Variants in MARK3 observed in about 807,000 individuals in gnomAD.
MARK3 encodes microtubule affinity regulating kinase 3.
A neutral mutation model predicts 90.1 loss-of-function variants in MARK3; 46 were observed. The ratio of observed to expected loss-of-function variants is 0.51; its 90% CI spans 0.40 to 0.65. The LOEUF (loss-of-function observed/expected upper bound fraction) is 0.65, where lower values mean the gene tolerates loss of function less well. MARK3 is among the 30% of genes least tolerant of loss of function. The probability of loss-of-function intolerance (pLI) is 0.00; values close to 1 mark genes in which losing one functional copy is unlikely to be tolerated. For missense variants in MARK3, 818 were observed against 947.2 expected (o/e 0.86, Z 1.79); for synonymous variants, 321 against 332.6 (o/e 0.97, Z 0.38).
intron 2 of MARK3, among the ~76,000 whole-genome samples, chr14:103,424,214 GA>G (rs373848330): frequency 2.6e-4 from 38 of 145,248 alleles, no homozygotes; most frequent in Non-Finnish European, 4.3e-4. Flanking sequence ...TGTCTCAAGA[GA>G]AAAAAAAAAC....
At chr14:103,438,805 C>G (rs994949192) in intron 3 of MARK3, among the ~76,000 whole-genome samples, 7 of 152,074 alleles carry the variant, frequency 4.6e-5, no homozygotes, top group Admixed American at 2.6e-4. Flanking sequence ...CCAGCCTGGG[C>G]AACATGGCAA....
chr14:103,462,318 C>G, intron 6 of MARK3, 87 bp from the exon 7 acceptor site: 2 of 915,658 alleles, frequency 2.2e-6, no homozygotes, highest in Non-Finnish European at 1.7e-6. Context: ...ACTGAGTATT[C>G]ATTATGTGTG....
At chr14:103,483,213 T>C (rs1341497417) in intron 14 of MARK3, among the ~76,000 whole-genome samples, 8 of 151,672 alleles carry the variant, frequency 5.3e-5, no homozygotes, top group African/African-American at 7.2e-5. Context: ...CTTCACTAAT[T>C]TAAAATATGA....
intron 1 of MARK3, among the ~76,000 whole-genome samples, chr14:103,400,063 G>A (rs2090859661): frequency 6.6e-6 from 1 of 151,954 alleles, no homozygotes; most frequent in Admixed American, 6.6e-5. Flanking sequence ...TGAGTAGCTG[G>A]GATTACAGGC....
chr14:103,482,335 A>T (rs1432698036), intron 14 of MARK3, among the ~76,000 whole-genome samples: 1 of 151,620 alleles, frequency 6.6e-6, no homozygotes, highest in Non-Finnish European at 1.5e-5. Flanking sequence ...AGCCTGGCCA[A>T]CATGGTGAAA....
chr14:103,386,814 C>A (rs2089842626), intron 1 of MARK3, among the ~76,000 whole-genome samples: 1 of 152,192 alleles, frequency 6.6e-6, no homozygotes, highest in Non-Finnish European at 1.5e-5. Flanking sequence ...TAGATGAGCT[C>A]TTAGGTCCCT....
chr14:103,494,279 T>C (rs1301626076), intron 15 of MARK3, among the ~76,000 whole-genome samples: 1 of 132,546 alleles, frequency 7.5e-6, no homozygotes, highest in East Asian at 2.3e-4. Context: ...TGGCCAGGCA[T>C]GGTGGCTCAC....
At chr14:103,466,480 C>T in intron 10 of MARK3, 38 bp downstream of exon 10, 1 of 1,344,578 alleles carries the variant, frequency 7.4e-7, no homozygotes, top group South Asian at 1.2e-5. Context: ...GTGTTTTTGT[C>T]TAAGTAACAT....
intron 2 of MARK3, chr14:103,417,248 ATATAAT>A (rs2091986172): frequency 6.7e-6 from 1 of 148,314 alleles, no homozygotes; most frequent in African/African-American, 2.4e-5. Flanking sequence ...GAAATTAGTG[ATATAAT>A]TAGGAACTAA....
chr14:103,409,273 A>AAC (rs2091483945), intron 2 of MARK3, among the ~76,000 whole-genome samples: 1 of 151,750 alleles, frequency 6.6e-6, no homozygotes, highest in Non-Finnish European at 1.5e-5. Flanking sequence ...CAGGGAGGGG[A>AAC]ACATCACACA....
At chr14:103,502,658 T>C (rs772305121) in intron 17 of MARK3, among the ~76,000 whole-genome samples, 2 of 152,230 alleles carry the variant, frequency 1.3e-5, no homozygotes, top group Non-Finnish European at 2.9e-5. Context: ...TGGTGAAGAT[T>C]TTCCAGCTAG....
chr14:103,481,009 A>G (rs2093808752), intron 14 of MARK3, among the ~76,000 whole-genome samples: 1 of 152,220 alleles, frequency 6.6e-6, no homozygotes, highest in African/African-American at 2.4e-5. Flanking sequence ...AATGCTTTTA[A>G]TTTGGCTACA....
chr14:103,413,711 G>A (rs1176993656), intron 2 of MARK3, among the ~76,000 whole-genome samples: 1 of 151,898 alleles, frequency 6.6e-6, no homozygotes, highest in African/African-American at 2.4e-5. Flanking sequence ...GCCTGCCTCG[G>A]CCTCCCAAAG....
intron 2 of MARK3, among the ~76,000 whole-genome samples, chr14:103,426,818 A>G (rs963145243): frequency 2.0e-5 from 3 of 151,420 alleles, no homozygotes; most frequent in Non-Finnish European, 4.4e-5. Flanking sequence ...CTGTATATTC[A>G]CTTGGTTAGC....
chr14:103,474,021 C>A (rs993051358), intron 12 of MARK3, among the ~76,000 whole-genome samples: 83 of 149,076 alleles, frequency 5.6e-4, no homozygotes, highest in African/African-American at 1.9e-3. Context: ...ACTGTGAAAC[C>A]CCGTCTCTAC....
chr14:103,399,801 A>G (rs1168040711), intron 1 of MARK3, among the ~76,000 whole-genome samples: 1 of 151,376 alleles, frequency 6.6e-6, no homozygotes, highest in Non-Finnish European at 1.5e-5. Flanking sequence ...GTGGTATTTT[A>G]AGGTAGTTTT....
chr14:103,409,453 A>T (rs1157665275), intron 2 of MARK3, among the ~76,000 whole-genome samples: 2 of 124,642 alleles, frequency 1.6e-5, no homozygotes, highest in Non-Finnish European at 3.5e-5. Context: ...AAAAAAAAAA[A>T]AAAAAAAAAA....
At chr14:103,427,584 A>T (rs1307778097) in intron 2 of MARK3, among the ~76,000 whole-genome samples, 1 of 151,684 alleles carries the variant, frequency 6.6e-6, no homozygotes, top group Non-Finnish European at 1.5e-5. Flanking sequence ...ACTTATAGTT[A>T]TTTCTTGATT....
chr14:103,473,346 A>T (rs1020886413), intron 12 of MARK3, among the ~76,000 whole-genome samples: 2 of 152,242 alleles, frequency 1.3e-5, no homozygotes, highest in Non-Finnish European at 2.9e-5. Flanking sequence ...AGTGCAAGTA[A>T]AACTGGGGAA....
Sources: gnomAD v4.1 joint callset for allele counts (sites outside exome capture counted in the v4.1 genomes callset) on GRCh38, gnomAD v4.1.1 for gene constraint, MANE v1.5 for transcripts, NCBI Gene and HGNC (gene_info 2026-07-23, HGNC 2026-07-21) for gene names.